Variants in EIF3D observed in about 807,000 individuals in gnomAD.
The protein encoded by EIF3D is eukaryotic translation initiation factor 3 subunit D.
Under a neutral mutation model 75.4 loss-of-function variants are expected in EIF3D, and 10 were observed. The observed-to-expected ratio is 0.13, with a 90% CI of 0.08 to 0.22. The LOEUF is 0.22. EIF3D is among the 10% of genes least tolerant of loss of function. EIF3D has a pLI of 1.00. For synonymous variants in EIF3D, 246 were observed against 248.3 expected (o/e 0.99, Z 0.09); for missense variants, 394 against 708.0 (o/e 0.56, Z 5.03).
chr22:36,514,860 A>T (rs1446351365), intron 12 of EIF3D, among the ~76,000 whole-genome samples: 1 of 152,108 alleles, frequency 6.6e-6, no homozygotes, highest in Non-Finnish European at 1.5e-5. Flanking sequence ...TGTAAACTCC[A>T]ATGTTGGAGG....
At chr22:36,523,731 C>A (rs1296433540) in intron 5 of EIF3D, among the ~76,000 whole-genome samples, 164 bp downstream of exon 5, 1 of 152,224 alleles carries the variant, frequency 6.6e-6, no homozygotes, top group Non-Finnish European at 1.5e-5. Flanking sequence ...TGCCATGAAC[C>A]AGCCTGAGAA....
At position 36,525,994 on chromosome 22, in the gene EIF3D, T is replaced by C. The variant is rs1240754731; in HGVS notation, c.123+5A>G. The C allele has an allele frequency of 7.5e-6, 12 of 1,608,220 alleles. No individual in the cohort carries two copies. In the East Asian group the frequency reaches 1.3e-4, roughly 18 times the overall value. On this transcript the variant is annotated splice_donor_5th_base_variant and intron_variant, in intron 2 of 14. Coordinates refer to ENST00000216190, the MANE Select transcript of EIF3D (RefSeq NM_003753.4). ...AGATTCAGACTCCTGCTGACAGGCA[T>C]GTACCTTTCCTAGCCGATCTCCTTT... is the stretch of plus-strand genomic sequence containing the variant.
At chr22:36,513,165 C>T (rs974082590) in intron 12 of EIF3D, among the ~76,000 whole-genome samples, 9 of 151,906 alleles carry the variant, frequency 5.9e-5, no homozygotes, top group Non-Finnish European at 1.3e-4. Flanking sequence ...TCTTTTCTAC[C>T]CATATCATTT....
intron 6 of EIF3D, among the ~76,000 whole-genome samples, chr22:36,522,666 CT>C (rs60464514): frequency 0.038 from 5,724 of 152,182 alleles, 357 homozygotes; most frequent in African/African-American, 0.13. Flanking sequence ...ACTGGGGGTG[CT>C]GGTGTTTGGG....
rs150022120 is a variant in EIF3D at position 36,519,456 on chromosome 22, G to A, written c.660C>T (p.Ile220=). 6.2e-7 allele frequency: 1 copy of A among 1,614,198 alleles called. No individual in the cohort carries two copies. Among genetic ancestry groups the A allele is most frequent in the South Asian group, 1.1e-5 (1 of 91,080 alleles). Residue 220 remains isoleucine, a synonymous_variant, in exon 8 of 15, where the codon ATC becomes ATT. Coordinates refer to ENST00000216190, the MANE Select transcript of EIF3D (RefSeq NM_003753.4). ...TTRSEKPLRS[I]KRIFHTVTTT... ...TGGTGACAGTGTGGAAGATGCGCTT[G>A]ATGCTCCGCAGTGGCTTCTCACTCC...
At position 36,516,794 on chromosome 22, in the gene EIF3D, C is replaced by CA; in HGVS notation, c.991-5dup. The CA allele has an allele frequency of 1.9e-6, 3 of 1,613,970 alleles. No individual in the cohort carries two copies. The highest frequency in any genetic ancestry group is 2.5e-6 in the Non-Finnish European group (3 of 1,179,858). The stretch of plus-strand genomic sequence containing the variant: ...GGAAGTTGTATCTTTCCTTCCCCTG[C>CA]AAAAACAAAGGTGTCACAAGACAGA... On this transcript the variant is annotated splice_polypyrimidine_tract_variant and splice_region_variant and intron_variant, in intron 10 of 14. Coordinates refer to ENST00000216190, the MANE Select transcript of EIF3D (RefSeq NM_003753.4).
In EIF3D at chr22:36,516,742, C is replaced by T. The variant is rs762899615; in HGVS notation, c.1039G>A (p.Asp347Asn). Residue 347 changes from aspartate (D) to asparagine (N), a missense_variant, in exon 11 of 15, where the codon GAC becomes AAC. Physicochemically the swap from Asp to Asn is conservative, Grantham distance 23. Transcript: ENST00000216190. ...GAGGCGATTTCATTCTTATCCATGT[C>T]GTCCTCCACAAACGGGTTTGGGTTG... ...FPNPNPFVEDDMDKNEIASVA... is the reference protein window; with the variant it reads ...FPNPNPFVEDNMDKNEIASVA... 8.1e-6 allele frequency: 13 copies of T among 1,614,126 alleles called. No homozygotes were observed. Among genetic ancestry groups the T allele is most frequent in the South Asian group, 7.7e-5 (7 of 91,092 alleles).
At chr22:36,513,469 A>G (rs1210390306) in intron 12 of EIF3D, among the ~76,000 whole-genome samples, 1 of 151,804 alleles carries the variant, frequency 6.6e-6, no homozygotes, top group Non-Finnish European at 1.5e-5. Flanking sequence ...TGTCCAGCCA[A>G]TTTTTGTATT....
chr22:36,518,972 AT>A (rs1332300216), intron 8 of EIF3D, 62 bp from the exon 9 acceptor site: 1 of 1,590,236 alleles, frequency 6.3e-7, no homozygotes, highest in East Asian at 2.2e-5. Context: ...GCCCACTCAC[AT>A]GGATGGGAAA....
chr22:36,516,603 G>C lies in EIF3D; in HGVS notation c.1081C>G (p.Arg361Gly). ...ATATCATCTCCAAGCTTCCACCTGC[G>C]GTAACTGCAGCAAAAAAGAAACTCA... is the stretch of plus-strand genomic sequence containing the variant. Reference protein sequence around the residue: ...NEIASVAYRYRRWKLGDDIDL... With the variant: ...NEIASVAYRYGRWKLGDDIDL... Residue 361 changes from arginine (R) to glycine (G), a missense_variant, in exon 12 of 15, where the codon CGC (arginine) becomes GGC (glycine). Transcript: ENST00000216190. The C allele has an allele frequency of 6.2e-7, 1 of 1,613,994 alleles. No homozygotes were observed. The highest frequency in any genetic ancestry group is 8.5e-7 in the Non-Finnish European group (1 of 1,179,878).
chr22:36,527,867 T>C (rs1426263222), intron 1 of EIF3D, among the ~76,000 whole-genome samples: 1 of 152,204 alleles, frequency 6.6e-6, no homozygotes, highest in Non-Finnish European at 1.5e-5. Context: ...ACAGGTATGC[T>C]GAACTTAGTA....
intron 6 of EIF3D, among the ~76,000 whole-genome samples, chr22:36,522,870 T>C (rs1288689396): frequency 3.3e-5 from 5 of 152,236 alleles, no homozygotes; most frequent in Non-Finnish European, 7.3e-5. Flanking sequence ...TGCCATGCTA[T>C]CAAGCAGCAT....
At chr22:36,528,956 G>T (rs1365798417) in intron 1 of EIF3D, 120 bp downstream of exon 1, 1 of 245,240 alleles carries the variant, frequency 4.1e-6, no homozygotes, top group Non-Finnish European at 7.8e-6. Context: ...CCGCCCAGCG[G>T]AGGGACGGCA....
chr22:36,520,169 T>G (rs1934490169), intron 7 of EIF3D, among the ~76,000 whole-genome samples: 1 of 152,026 alleles, frequency 6.6e-6, no homozygotes. Flanking sequence ...GATTTTTTTT[T>G]TTTTGAGATG....
At chr22:36,526,555 C>A (rs140780900) in intron 1 of EIF3D, among the ~76,000 whole-genome samples, 50 of 152,084 alleles carry the variant, frequency 3.3e-4, no homozygotes, top group African/African-American at 1.1e-3. Context: ...CTGAGATATA[C>A]CTTCACCAAT....
chr22:36,520,711 GA>G (rs778011146), intron 6 of EIF3D, 23 bp from the exon 7 acceptor site: 28 of 1,536,002 alleles, frequency 1.8e-5, no homozygotes, highest in African/African-American at 1.4e-4. Context: ...ACCATTAGAG[GA>G]AAAAAAAGTT....
intron 9 of EIF3D, among the ~76,000 whole-genome samples, chr22:36,517,714 T>C (rs995856479): frequency 2.6e-5 from 4 of 152,182 alleles, no homozygotes; most frequent in Non-Finnish European, 4.4e-5. Flanking sequence ...TTTGCAAGCT[T>C]TTTAATAAAG....
At chr22:36,523,773 A>G in intron 5 of EIF3D, 122 bp downstream of exon 5, 1 of 935,938 alleles carries the variant, frequency 1.1e-6, no homozygotes, top group African/African-American at 1.6e-5. Flanking sequence ...AACTGGTTGT[A>G]GAAAGTATTT....
intron 12 of EIF3D, 63 bp from the exon 13 acceptor site, chr22:36,512,665 C>T (rs1001925471): frequency 1.5e-5 from 23 of 1,555,864 alleles, no homozygotes; most frequent in Non-Finnish European, 2.0e-5. Context: ...GCTGGGACCT[C>T]CTCTGGCAGA....
Sources: allele counts gnomAD v4.1 joint callset (sites outside exome capture counted in the v4.1 genomes callset), GRCh38; gene constraint gnomAD v4.1.1; transcripts MANE v1.5; gene names NCBI Gene and HGNC (gene_info 2026-07-23, HGNC 2026-07-21).